The following SLC22A25 variants were observed in gnomAD, a reference collection of about 807,000 sequenced individuals.
The protein encoded by SLC22A25 is solute carrier family 22 member 25.
In SLC22A25, 44 loss-of-function variants were observed where a neutral mutation model predicts 45.9. The observed-to-expected ratio is 0.96, with a 90% CI of 0.75 to 1.23. The LOEUF is 1.23. Ranked by LOEUF, SLC22A25 falls within the 50% of genes most tolerant of loss-of-function variation. SLC22A25 has a pLI of 0.00. For synonymous variants in SLC22A25, 283 were observed against 238.6 expected, an observed-to-expected ratio of 1.19 and a Z score of -1.72; for missense variants, 800 against 666.4, an observed-to-expected ratio of 1.20 and a Z score of -2.21.
At chr11:63,185,941 C>A (rs1200135566) in intron 7 of SLC22A25, among the ~76,000 whole-genome samples, 3 of 151,698 alleles carry the variant, frequency 2.0e-5, no homozygotes, top group Non-Finnish European at 2.9e-5. Flanking sequence ...TCCAGTCTAT[C>A]AGTGTTGGAC....
chr11:63,166,021 T>C lies in SLC22A25; in HGVS notation c.1285+23A>G, dbSNP rs2087667739. Reference sequence around the variant, plus strand: ...AAAAGAGGGAAAGACATTTTCTTTCTTCCACCTGTGAACTTTTCTCACCTT... The same window carrying C: ...AAAAGAGGGAAAGACATTTTCTTTCCTCCACCTGTGAACTTTTCTCACCTT... On this transcript the variant is annotated intron_variant, in intron 10 of 11. Transcript: ENST00000306494. 2.5e-6 allele frequency: 4 copies of C among 1,610,316 alleles called. No homozygotes were observed. The East Asian group carries it at 6.7e-5, about 27-fold the overall frequency.
intron 7 of SLC22A25, among the ~76,000 whole-genome samples, chr11:63,197,728 T>G (rs2089096490): frequency 1.3e-5 from 2 of 152,190 alleles, no homozygotes; most frequent in South Asian, 4.1e-4. Context: ...ACAAATGGCA[T>G]CTAAGTAAAC....
chr11:63,166,608 T>A, intron 9 of SLC22A25: 1 of 1,026,572 alleles, frequency 9.7e-7, no homozygotes, highest in Non-Finnish European at 1.2e-6. Flanking sequence ...AAATATACAA[T>A]TAAAAATAAA....
At chr11:63,235,786 G>T (rs943653546) in intron 3 of SLC22A25, among the ~76,000 whole-genome samples, 4 of 152,064 alleles carry the variant, frequency 2.6e-5, no homozygotes, top group African/African-American at 9.7e-5. Context: ...ATCTACTTTT[G>T]GTCTTTGATG....
Position 63,180,739 on chromosome 11 carries a change from C to T in SLC22A25, c.991G>A (p.Ala331Thr). The change falls in exon 9 of 12, where the codon GCA becomes ACA. Residue 331 changes from alanine to threonine, a missense_variant. Physicochemically the swap from Ala to Thr is moderately conservative, Grantham distance 58. Transcript: ENST00000306494. ...TCACAAAGAGAATGCTTTTTCTGTG[C>T]TGCCTCCAGTTCTTGCTTCATGGTG... is the stretch of plus-strand genomic sequence containing the variant. ...KSTMKQELEA[A>T]QKKHSLCELL... is the part of the protein sequence containing the mutation. 4 of 1,613,176 alleles carry T rather than the reference C, an allele frequency of 2.5e-6. No individual in the cohort carries two copies. The highest frequency in any genetic ancestry group is 3.4e-6 in the Non-Finnish European group (4 of 1,179,490).
rs902309431 is a variant in SLC22A25, at chr11:63,160,647, A to T, written c.*3177T>A. 1.4e-4 allele frequency among the ~76,000 whole-genome samples: 22 copies of T among 152,060 alleles called. No individual in the cohort carries two copies. The highest frequency in any genetic ancestry group is 5.3e-4 in the African/African-American group (22 of 41,410). On this transcript the variant is annotated 3_prime_UTR_variant, in exon 12 of 12. Transcript: ENST00000306494. ...TGAGAAGAGGGTCTTCGACCTCCAG[A>T]CCCCAGAATTGTAAAGGCATTGACA...
At chr11:63,204,955 A>G (rs1280438555) in intron 7 of SLC22A25, among the ~76,000 whole-genome samples, 1 of 152,172 alleles carries the variant, frequency 6.6e-6, no homozygotes, top group African/African-American at 2.4e-5. Context: ...AATCATAACA[A>G]ACAGTCTCTC....
intron 7 of SLC22A25, among the ~76,000 whole-genome samples, chr11:63,197,956 C>T (rs1477301013): frequency 6.6e-6 from 1 of 151,946 alleles, no homozygotes; most frequent in Non-Finnish European, 1.5e-5. Context: ...TTTATGCAGC[C>T]AAAAAACACA....
At chr11:63,164,683 T>G in intron 10 of SLC22A25, 49 bp from the exon 11 acceptor site, 1 of 1,438,504 alleles carries the variant, frequency 7.0e-7, no homozygotes, top group South Asian at 1.1e-5. Context: ...GCTGAAGGAA[T>G]CAGCATCTCC....
At chr11:63,195,622 T>TA (rs2088994922) in intron 7 of SLC22A25, among the ~76,000 whole-genome samples, 1 of 152,108 alleles carries the variant, frequency 6.6e-6, no homozygotes. Context: ...GAGGGAAATT[T>TA]ATAGCACTAA....
chr11:63,194,499 C>T (rs1480141447), intron 7 of SLC22A25, among the ~76,000 whole-genome samples: 1 of 152,068 alleles, frequency 6.6e-6, no homozygotes, highest in East Asian at 1.9e-4. Flanking sequence ...AAATCCTTTA[C>T]ACACAAGCAA....
At position 63,229,782 on chromosome 11, in the gene SLC22A25, T is replaced by C; in HGVS notation, c.-130A>G. 4.2e-6 allele frequency: 4 copies of C among 942,194 alleles called. No individual in the cohort carries two copies. The highest frequency in any genetic ancestry group is 2.9e-5 in the Admixed American group (1 of 34,510). 58.4% of individuals were successfully genotyped at this position (942,194 alleles called of 1,614,324 possible). ...GATCCTGACCCCACTCTCTTCTTAA[T>C]GGGCCCTCTCTCCCATCTGCAGCAG... On this transcript the variant is annotated 5_prime_UTR_variant, in exon 4 of 12. Coordinates refer to ENST00000306494, the MANE Select transcript of SLC22A25 (RefSeq NM_199352.6).
chr11:63,194,889 G>GAAAAAA (rs1565091135), intron 7 of SLC22A25, among the ~76,000 whole-genome samples: 2 of 14,314 alleles, frequency 1.4e-4, no homozygotes, highest in Non-Finnish European at 2.8e-4. Flanking sequence ...CAAATGGAAA[G>GAAAAAA]CAAAAAAAAA....
intron 9 of SLC22A25, among the ~76,000 whole-genome samples, chr11:63,170,332 G>A (rs191981493): frequency 3.9e-3 from 201 of 52,074 alleles, no homozygotes; most frequent in African/African-American, 0.015. Flanking sequence ...CAGAACAGAA[G>A]GAGACAGAGA....
chr11:63,223,173 AT>A (rs2089889123), intron 5 of SLC22A25, among the ~76,000 whole-genome samples: 1 of 151,614 alleles, frequency 6.6e-6, no homozygotes, highest in Non-Finnish European at 1.5e-5. Context: ...CTCTGTTTCT[AT>A]TTTTTGGAAT....
chr11:63,173,409 C>G (rs1453227409), intron 9 of SLC22A25, among the ~76,000 whole-genome samples: 2 of 152,064 alleles, frequency 1.3e-5, no homozygotes, highest in Non-Finnish European at 2.9e-5. Flanking sequence ...AGTCAATAAA[C>G]TTTAATTATA....
At chr11:63,235,955 G>A (rs1369789836) in intron 3 of SLC22A25, among the ~76,000 whole-genome samples, 2 of 152,202 alleles carry the variant, frequency 1.3e-5, no homozygotes, top group Admixed American at 1.3e-4. Context: ...CTGCAGAACA[G>A]CAGATATTGG....
At chr11:63,218,508 T>A (rs897089663) in intron 5 of SLC22A25, among the ~76,000 whole-genome samples, 2 of 151,982 alleles carry the variant, frequency 1.3e-5, no homozygotes, top group African/African-American at 4.8e-5. Flanking sequence ...AAAATAAAAG[T>A]TGAAATTAAA....
At chr11:63,206,744 C>A (rs1337088660) in intron 7 of SLC22A25, among the ~76,000 whole-genome samples, 1 of 152,192 alleles carries the variant, frequency 6.6e-6, no homozygotes, top group African/African-American at 2.4e-5. Context: ...CCCCAACAAG[C>A]TACAAATGAC....
Sources: gnomAD v4.1 joint callset for allele counts (sites outside exome capture counted in the v4.1 genomes callset) on GRCh38, gnomAD v4.1.1 for gene constraint, MANE v1.5 for transcripts, NCBI Gene and HGNC (gene_info 2026-07-23, HGNC 2026-07-21) for gene names.